The following PRIMPOL variants were observed in gnomAD, a reference collection of about 807,000 sequenced individuals.
The protein encoded by PRIMPOL is DNA-directed primase/polymerase protein.
PRIMPOL carries 54 observed loss-of-function variants against 63.6 expected under a neutral mutation model. The observed-to-expected ratio is 0.85, with a 90% CI of 0.68 to 1.07. PRIMPOL has a LOEUF of 1.07. Ranked by LOEUF, PRIMPOL falls within the 50% of genes least tolerant of loss-of-function variation. The pLI is 0.00. For synonymous variants in PRIMPOL, 197 were observed against 220.2 expected (o/e 0.89, Z 0.93); for missense variants, 610 against 648.3 (o/e 0.94, Z 0.64).
chr4:184,680,698 C>A (rs957417122), intron 8 of PRIMPOL, among the ~76,000 whole-genome samples: 2 of 152,088 alleles, frequency 1.3e-5, no homozygotes, highest in Non-Finnish European at 2.9e-5. Flanking sequence ...GAGTTTCCTA[C>A]TTTTAAATGG....
At chr4:184,684,716 G>C (rs1168210482) in intron 9 of PRIMPOL, among the ~76,000 whole-genome samples, 4 of 152,008 alleles carry the variant, frequency 2.6e-5, no homozygotes, top group African/African-American at 9.7e-5. Flanking sequence ...TGGAATGGGT[G>C]GCTTGGGGGA....
chr4:184,660,161 C>CT (rs201816264), intron 4 of PRIMPOL, among the ~76,000 whole-genome samples: 38 of 144,696 alleles, frequency 2.6e-4, no homozygotes, highest in South Asian at 4.4e-4. Flanking sequence ...TCAAGTATTT[C>CT]TTTTTTTTTT....
chr4:184,685,626 A>G lies in PRIMPOL; in HGVS notation c.1237A>G (p.Ile413Val), dbSNP rs1756787476. 1 of 1,612,392 alleles carries G rather than the reference A, an allele frequency of 6.2e-7. No individual in the cohort carries two copies. ...CCCAGAAGAATTACTGGTTTATGAT[A>G]TTTGTAAATATCGGTGGTGTGAAAA... ...FFPEELLVYD[I>V]CKYRWCENIG... Residue 413 changes from isoleucine (I) to valine (V), a missense_variant, in exon 11 of 14, where the codon ATT becomes GTT. Coordinates refer to ENST00000314970, the MANE Select transcript of PRIMPOL (RefSeq NM_152683.4).
intron 5 of PRIMPOL, among the ~76,000 whole-genome samples, chr4:184,663,106 G>A (rs1184128976): frequency 1.3e-5 from 2 of 150,942 alleles, no homozygotes; most frequent in East Asian, 1.9e-4. Flanking sequence ...GTGCAGTGGT[G>A]TGATCTCAGC....
At chr4:184,688,146 G>C (rs1227185520) in intron 11 of PRIMPOL, among the ~76,000 whole-genome samples, 1 of 152,168 alleles carries the variant, frequency 6.6e-6, no homozygotes, top group Non-Finnish European at 1.5e-5. Context: ...GAACCGTGTT[G>C]TACATATCAC....
rs75469708 is a variant in PRIMPOL, at chr4:184,652,293, A to G, written c.-60+193A>G. 2.6e-3 allele frequency among the ~76,000 whole-genome samples: 403 copies of G among 152,268 alleles called. 3 individuals carry two copies. Among genetic ancestry groups the G allele is most frequent in the African/African-American group, 9.2e-3 (382 of 41,546 alleles). On this transcript the variant is annotated intron_variant, in intron 2 of 13. Coordinates refer to ENST00000314970, the MANE Select transcript of PRIMPOL (RefSeq NM_152683.4). ...TTACCTGTGTGAGTTGAATGTTGCT[A>G]TGAATCATTATCCCTGTGAAAAGTG...
intron 6 of PRIMPOL, 50 bp downstream of exon 6, chr4:184,666,114 T>A (rs759097874): frequency 7.1e-7 from 1 of 1,414,982 alleles, no homozygotes; most frequent in South Asian, 1.3e-5. Flanking sequence ...AAAACTCATA[T>A]GTTCTTATTC....
intron 13 of PRIMPOL, among the ~76,000 whole-genome samples, chr4:184,693,055 AAAG>A (rs1476803624): frequency 6.6e-6 from 1 of 152,160 alleles, no homozygotes; most frequent in African/African-American, 2.4e-5. Context: ...TAATAGAATA[AAAG>A]AAGTTACCTG....
At chr4:184,669,355 C>T (rs554918128) in intron 6 of PRIMPOL, among the ~76,000 whole-genome samples, 2 of 152,326 alleles carry the variant, frequency 1.3e-5, no homozygotes, top group East Asian at 1.9e-4. Context: ...CTCCAGCCCC[C>T]GTGCTCGCTG....
At chr4:184,652,447 T>C (rs973842564) in intron 2 of PRIMPOL, among the ~76,000 whole-genome samples, 22 of 151,962 alleles carry the variant, frequency 1.4e-4, no homozygotes, top group African/African-American at 5.1e-4. Context: ...GTTTTCTTAC[T>C]CCTTAAAGAG....
intron 8 of PRIMPOL, among the ~76,000 whole-genome samples, chr4:184,681,429 A>G (rs968946606): frequency 6.6e-6 from 1 of 152,220 alleles, no homozygotes; most frequent in Admixed American, 6.5e-5. Context: ...CACGTAACCC[A>G]CACGCATCCT....
intron 6 of PRIMPOL, among the ~76,000 whole-genome samples, chr4:184,671,426 A>G (rs917725813): frequency 5.9e-5 from 9 of 151,392 alleles, no homozygotes; most frequent in African/African-American, 2.2e-4. Flanking sequence ...TTCTTCATAT[A>G]AACCTTCATT....
chr4:184,655,956 A>AT (rs886107852), intron 2 of PRIMPOL, among the ~76,000 whole-genome samples: 1 of 151,982 alleles, frequency 6.6e-6, no homozygotes, highest in African/African-American at 2.4e-5. Context: ...AACCAAATTT[A>AT]TTTTTTTCTT....
At position 184,678,350 on chromosome 4, in the gene PRIMPOL, T is replaced by C; in HGVS notation, c.963T>C (p.Ser321=). ...KFFPIQSKDV[S]DEYQYFLSSL... ...TTCCTATACAGTCAAAAGATGTTTC[T>C]GACGAATATCAATATTTTCTCTCTT... Residue 321 remains serine, a synonymous_variant, in exon 8 of 14, where the codon TCT becomes TCC. Transcript: ENST00000314970. The C allele has an allele frequency of 1.9e-6, 3 of 1,608,546 alleles. No individual in the cohort carries two copies. Among genetic ancestry groups the C allele is most frequent in the Non-Finnish European group, 2.5e-6 (3 of 1,178,242 alleles).
intron 11 of PRIMPOL, among the ~76,000 whole-genome samples, chr4:184,686,022 G>A (rs1390088394): frequency 1.3e-5 from 2 of 152,054 alleles, no homozygotes; most frequent in Non-Finnish European, 2.9e-5. Flanking sequence ...GGCTGGTCTC[G>A]AACTCCTGAC....
At chr4:184,657,765 G>A (rs780540019) in intron 3 of PRIMPOL, 3 of 153,922 alleles carry the variant, frequency 1.9e-5, no homozygotes, top group South Asian at 2.0e-4. Context: ...AGGCCGAGAC[G>A]GGTGGATCAC....
intron 3 of PRIMPOL, among the ~76,000 whole-genome samples, 163 bp from the exon 4 acceptor site, chr4:184,659,177 C>T (rs1407213665): frequency 6.6e-6 from 1 of 152,138 alleles, no homozygotes; most frequent in East Asian, 1.9e-4. Context: ...TTTTGAATGG[C>T]ATAAACCTAG....
chr4:184,674,229 G>A (rs1752701157), intron 7 of PRIMPOL, among the ~76,000 whole-genome samples: 1 of 152,162 alleles, frequency 6.6e-6, no homozygotes, highest in African/African-American at 2.4e-5. Flanking sequence ...AGAGGATGGG[G>A]AAATCATTTC....
intron 3 of PRIMPOL, chr4:184,657,561 G>T: frequency 3.1e-6 from 1 of 326,796 alleles, no homozygotes; most frequent in Non-Finnish European, 5.5e-6. Context: ...GACACATCTA[G>T]TACCAATTAG....
Sources: allele counts gnomAD v4.1 joint callset (sites outside exome capture counted in the v4.1 genomes callset), GRCh38; gene constraint gnomAD v4.1.1; transcripts MANE v1.5; gene names NCBI Gene and HGNC (gene_info 2026-07-23, HGNC 2026-07-21).